DENND4C: variants seen among roughly 807,000 people sequenced by gnomAD.
DENND4C encodes DENN domain containing 4C.
Under a neutral mutation model 203.0 loss-of-function variants are expected in DENND4C, and 108 were observed. The observed-to-expected ratio is 0.53, with a 90% CI of 0.46 to 0.62. The LOEUF (loss-of-function observed/expected upper bound fraction) is 0.62. DENND4C is among the 20% of genes least tolerant of loss of function. DENND4C has a pLI of 0.00. For synonymous variants in DENND4C, 871 were observed against 792.4 expected (o/e 1.10, Z -1.67); for missense variants, 2,481 against 2,301.2 (o/e 1.08, Z -1.60).
chr9:19,297,514 G>T (rs1837704967), intron 6 of DENND4C, among the ~76,000 whole-genome samples: 1 of 152,132 alleles, frequency 6.6e-6, no homozygotes, highest in Non-Finnish European at 1.5e-5. Context: ...AAGATTCTAT[G>T]AATAGCTTGT....
intron 29 of DENND4C, among the ~76,000 whole-genome samples, chr9:19,360,748 C>G (rs996845311): frequency 2.0e-5 from 3 of 152,206 alleles, no homozygotes; most frequent in African/African-American, 7.2e-5. Context: ...GCTGTCACAT[C>G]TACTTTCTAT....
In DENND4C at chr9:19,336,408, A is replaced by G. The variant is rs373928812; in HGVS notation, c.2728A>G (p.Ile910Val). The G allele has an allele frequency of 4.3e-6, 7 of 1,612,426 alleles. No individual in the cohort carries two copies. In the African/African-American group the frequency reaches 6.7e-5, roughly 15 times the overall value. ...TGTGCAAAGGTCACAGGTCTCCTCA[A>G]TATCAGGTAATACATGTGATTAGAA... ...KTVQRSQVSSISALQNVTGGS... is the reference protein window; with the variant it reads ...KTVQRSQVSSVSALQNVTGGS... Residue 910 changes from isoleucine (I) to valine (V), a missense_variant, in exon 19 of 33, where the codon ATA (isoleucine) becomes GTA (valine). Physicochemically the swap from Ile to Val is conservative, Grantham distance 29. This residue lies in a region of DENND4C where 2,289 missense variants were observed against 2,113.3 expected (regional missense o/e 1.08). Transcript: ENST00000434457.
At chr9:19,341,152 T>C (rs1821536120) in intron 21 of DENND4C, 38 bp downstream of exon 21, 2 of 1,490,126 alleles carry the variant, frequency 1.3e-6, no homozygotes, top group Non-Finnish European at 1.8e-6. Context: ...CTTAGAATAA[T>C]ACCTGTATTA....
At chr9:19,252,155 T>C (rs912699727) in intron 1 of DENND4C, among the ~76,000 whole-genome samples, 2 of 152,124 alleles carry the variant, frequency 1.3e-5, no homozygotes, top group Non-Finnish European at 2.9e-5. Context: ...CTCACAATCA[T>C]GGCAGAAGGC....
intron 12 of DENND4C, among the ~76,000 whole-genome samples, chr9:19,324,155 T>TAA: frequency 6.8e-6 from 1 of 147,720 alleles, no homozygotes; most frequent in Non-Finnish European, 1.5e-5. Context: ...TTCAAAATCT[T>TAA]AAAAAAAAAA....
At chr9:19,300,455 A>C in intron 9 of DENND4C, 124 bp downstream of exon 9, 2 of 951,366 alleles carry the variant, frequency 2.1e-6, no homozygotes, top group Non-Finnish European at 2.8e-6. Context: ...ACTTTGAAAA[A>C]TTTCCAGCCC....
rs940247066 is a variant in DENND4C at position 19,282,871 on chromosome 9, C to T, written c.306-3898C>T. 2.0e-5 allele frequency among the ~76,000 whole-genome samples: 3 copies of T among 151,744 alleles called. No homozygotes were observed. In the East Asian group the frequency reaches 5.8e-4, roughly 29 times the overall value. Reference sequence around the variant, plus strand: ...AGCTGCGATTACAGGCATCTGCCACCACACCTGGCTAATTTTTTTTTATTT... The same window carrying T: ...AGCTGCGATTACAGGCATCTGCCACTACACCTGGCTAATTTTTTTTTATTT... On this transcript the variant is annotated intron_variant, in intron 2 of 32. Transcript: ENST00000434457.
intron 2 of DENND4C, among the ~76,000 whole-genome samples, chr9:19,280,081 C>G (rs769936828): frequency 6.6e-6 from 1 of 151,958 alleles, no homozygotes; most frequent in African/African-American, 2.4e-5. Flanking sequence ...ACTGGATTAG[C>G]TTTTATTTGA....
chr9:19,279,886 T>A (rs1354812426), intron 2 of DENND4C, among the ~76,000 whole-genome samples: 1 of 138,746 alleles, frequency 7.2e-6, no homozygotes, highest in African/African-American at 2.6e-5. Flanking sequence ...AACAATGGTT[T>A]AAAATACCTA....
chr9:19,236,320 T>C (rs1012005354), intron 1 of DENND4C, among the ~76,000 whole-genome samples: 4 of 152,234 alleles, frequency 2.6e-5, no homozygotes, highest in South Asian at 4.1e-4. Context: ...GGGAAACACT[T>C]GTGTAGTGTG....
chr9:19,234,529 T>TG (rs1554706151), intron 1 of DENND4C, among the ~76,000 whole-genome samples: 2 of 105,460 alleles, frequency 1.9e-5, no homozygotes, highest in Admixed American at 1.2e-4. Flanking sequence ...AGCACCTGGC[T>TG]GTTTTTTTTT....
intron 9 of DENND4C, among the ~76,000 whole-genome samples, chr9:19,303,050 C>T (rs1838918498): frequency 6.6e-6 from 1 of 150,894 alleles, no homozygotes; most frequent in Non-Finnish European, 1.5e-5. Context: ...GGTTGAATAT[C>T]CCTTATCTAA....
At chr9:19,235,645 C>CT (rs1821778295) in intron 1 of DENND4C, among the ~76,000 whole-genome samples, 1 of 133,628 alleles carries the variant, frequency 7.5e-6, no homozygotes, top group Non-Finnish European at 1.6e-5. Flanking sequence ...GAGTCTCGCT[C>CT]TGTCACCCAG....
intron 1 of DENND4C, among the ~76,000 whole-genome samples, chr9:19,231,405 C>G (rs901394928): frequency 2.0e-5 from 3 of 152,082 alleles, no homozygotes; most frequent in African/African-American, 7.2e-5. Context: ...CTCAGGGCTT[C>G]TTTGTCGGGG....
At chr9:19,310,570 A>G (rs532868101) in intron 10 of DENND4C, among the ~76,000 whole-genome samples, 55 of 152,322 alleles carry the variant, frequency 3.6e-4, no homozygotes, top group African/African-American at 1.3e-3. Context: ...AAATTTGCCT[A>G]TCCTTCCTCT....
At chr9:19,268,765 C>G (rs964565485) in intron 1 of DENND4C, among the ~76,000 whole-genome samples, 1 of 152,092 alleles carries the variant, frequency 6.6e-6, no homozygotes, top group Admixed American at 6.6e-5. Context: ...CATACACTCT[C>G]TCCTAGCCTG....
At chr9:19,242,800 C>G (rs559180117) in intron 1 of DENND4C, among the ~76,000 whole-genome samples, 5 of 152,012 alleles carry the variant, frequency 3.3e-5, no homozygotes, top group Admixed American at 6.6e-5. Flanking sequence ...GGACTATAGG[C>G]GCATGCCACC....
intron 10 of DENND4C, among the ~76,000 whole-genome samples, chr9:19,310,703 T>A (rs924771011): frequency 2.0e-5 from 3 of 152,234 alleles, no homozygotes; most frequent in Non-Finnish European, 4.4e-5. Context: ...CTTCTTATAG[T>A]TGATAAGCGT....
chr9:19,299,084 C>T (rs1447515356), intron 7 of DENND4C, 145 bp from the exon 8 acceptor site: 2 of 566,736 alleles, frequency 3.5e-6, no homozygotes, highest in East Asian at 6.9e-5. Flanking sequence ...GTACCTGTTT[C>T]CAAAAGTGTG....
Sources: gnomAD v4.1 joint callset for allele counts (sites outside exome capture counted in the v4.1 genomes callset) on GRCh38, gnomAD v4.1.1 for gene constraint, gnomAD v4.1.1 regional missense constraint, MANE v1.5 for transcripts, NCBI Gene and HGNC (gene_info 2026-07-23, HGNC 2026-07-21) for gene names.